Variants in NTRK3 observed in about 807,000 individuals in gnomAD.
The protein encoded by NTRK3 is neurotrophic receptor tyrosine kinase 3.
A neutral mutation model predicts 91.7 loss-of-function variants in NTRK3; 24 were observed. The ratio of observed to expected loss-of-function variants is 0.26; its 90% CI spans 0.19 to 0.37. The LOEUF (loss-of-function observed/expected upper bound fraction) is 0.37. Among genes scored for constraint, NTRK3 ranks in the 10% least tolerant of loss-of-function variants. The probability of loss-of-function intolerance (pLI) is 1.00; values close to 1 mark genes in which losing one functional copy is unlikely to be tolerated. For synonymous variants in NTRK3, 483 were observed against 404.0 expected (o/e 1.20, Z -2.34); for missense variants, 880 against 1,068.9 (o/e 0.82, Z 2.46).
At chr15:88,058,571 T>C (rs969455464) in intron 13 of NTRK3, among the ~76,000 whole-genome samples, 3 of 152,182 alleles carry the variant, frequency 2.0e-5, no homozygotes, top group Non-Finnish European at 2.9e-5. Flanking sequence ...CCCAAAATTC[T>C]GGCCCAAAGC....
At chr15:87,882,381 G>A (rs1442741106) in intron 17 of NTRK3, among the ~76,000 whole-genome samples, 1 of 152,096 alleles carries the variant, frequency 6.6e-6, no homozygotes, top group Non-Finnish European at 1.5e-5. Flanking sequence ...AATAACCCAA[G>A]CTATGCAATT....
intron 16 of NTRK3, among the ~76,000 whole-genome samples, chr15:87,930,467 C>A (rs74731980): frequency 1.1e-4 from 16 of 152,262 alleles, no homozygotes; most frequent in African/African-American, 3.6e-4. Context: ...CTTTTACTAT[C>A]TCCGGTGGGC....
intron 14 of NTRK3, among the ~76,000 whole-genome samples, chr15:87,997,867 A>G (rs987433525): frequency 1.3e-5 from 2 of 152,172 alleles, no homozygotes; most frequent in Non-Finnish European, 2.9e-5. Flanking sequence ...TAGAATGAGA[A>G]CCAGATGATG....
chr15:88,144,324 C>G (rs1056681338), intron 6 of NTRK3, among the ~76,000 whole-genome samples: 1 of 152,234 alleles, frequency 6.6e-6, no homozygotes, highest in African/African-American at 2.4e-5. Context: ...GTACGCCCCC[C>G]TGGACAGAGG....
intron 3 of NTRK3, among the ~76,000 whole-genome samples, chr15:88,244,560 C>A (rs776872841): frequency 6.6e-6 from 1 of 150,536 alleles, no homozygotes; most frequent in Non-Finnish European, 1.5e-5. Flanking sequence ...GAAGATGGCA[C>A]CTGGGAAAAA....
chr15:88,218,152 G>C (rs2049950698), intron 3 of NTRK3, among the ~76,000 whole-genome samples: 1 of 152,144 alleles, frequency 6.6e-6, no homozygotes, highest in Non-Finnish European at 1.5e-5. Context: ...AGTCTAGCCT[G>C]ACTACGTCCC....
intron 6 of NTRK3, among the ~76,000 whole-genome samples, chr15:88,144,507 T>C (rs2042698969): frequency 6.6e-6 from 1 of 152,148 alleles, no homozygotes; most frequent in Non-Finnish European, 1.5e-5. Flanking sequence ...GAGGGGCTTC[T>C]GGAAGGAGAG....
intron 14 of NTRK3, among the ~76,000 whole-genome samples, chr15:88,017,910 G>A (rs1195293842): frequency 1.3e-5 from 2 of 152,180 alleles, no homozygotes; most frequent in African/African-American, 4.8e-5. Flanking sequence ...ATTACCAGTG[G>A]CATGAGGGCT....
At chr15:88,045,803 C>T (rs1051207938) in intron 13 of NTRK3, among the ~76,000 whole-genome samples, 3 of 152,320 alleles carry the variant, frequency 2.0e-5, no homozygotes, top group South Asian at 2.1e-4. Context: ...TAGCCTTCTC[C>T]GCTCATCGCA....
At position 87,883,531 on chromosome 15, in the gene NTRK3, C is replaced by T. The variant is rs2065367200; in HGVS notation, c.2134-3103G>A. Among the ~76,000 whole-genome samples the T allele has an allele frequency of 2.0e-5, 3 of 150,992 alleles. No individual in the cohort carries two copies. In the South Asian group the frequency reaches 6.2e-4, roughly 31 times the overall value. ...CAAGAAGACAACATAAATGAAGATA[C>T]ACTTTAAAAATACAAATAATGGGTT... On this transcript the variant is annotated intron_variant, in intron 17 of 18. Coordinates refer to ENST00000394480, the Ensembl canonical transcript of NTRK3.
intron 3 of NTRK3, among the ~76,000 whole-genome samples, chr15:88,209,056 G>GA (rs2141390754): frequency 6.6e-6 from 1 of 152,274 alleles, no homozygotes. Flanking sequence ...AATTATAATG[G>GA]AAAAACTACT....
chr15:88,219,548 C>T (rs1382182940), intron 3 of NTRK3, among the ~76,000 whole-genome samples: 1 of 152,250 alleles, frequency 6.6e-6, no homozygotes, highest in Non-Finnish European at 1.5e-5. Context: ...TCACACTGAG[C>T]TAAATTCTGG....
intron 14 of NTRK3, among the ~76,000 whole-genome samples, chr15:88,002,008 T>C (rs1056687567): frequency 2.0e-5 from 3 of 152,006 alleles, no homozygotes; most frequent in Non-Finnish European, 4.4e-5. Context: ...ATATTTGATT[T>C]AAAAATAGAG....
At chr15:88,137,781 G>T (rs748076845) in intron 6 of NTRK3, among the ~76,000 whole-genome samples, 3 of 152,182 alleles carry the variant, frequency 2.0e-5, no homozygotes, top group Admixed American at 6.5e-5. Flanking sequence ...AGCCAGGTGC[G>T]GTGGCTCATG....
In NTRK3 at chr15:88,237,528, G is replaced by T. The variant is rs955483950; in HGVS notation, c.248+18378C>A. Among the ~76,000 whole-genome samples, 2 of 152,148 alleles carry T rather than the reference G, an allele frequency of 1.3e-5. No homozygotes were observed. The highest frequency in any genetic ancestry group is 4.8e-5 in the African/African-American group (2 of 41,430). On this transcript the variant is annotated intron_variant, in intron 3 of 18. Transcript: ENST00000394480. The surrounding 1 kb of genome is among the most constrained non-coding windows in gnomAD (Gnocchi z 4.0). Reference sequence around the variant, plus strand: ...AATTAGTTAATTAATTCATAAGAGAGCTAGAAATCATGCACTTTATATATG... The same window carrying T: ...AATTAGTTAATTAATTCATAAGAGATCTAGAAATCATGCACTTTATATATG...
chr15:88,136,620 GAC>G lies in NTRK3; in HGVS notation c.623-13_623-12del, dbSNP rs2041900799. On this transcript the variant is annotated splice_polypyrimidine_tract_variant and intron_variant, in intron 7 of 18. Coordinates refer to ENST00000394480, the Ensembl canonical transcript of NTRK3. ...TGATCTCAGGAAGGTCTGGGAGCCA[GAC>G]AAAGTGGGTGAAAAGACAGGCAAAC... 6.2e-7 allele frequency: 1 copy of G among 1,610,954 alleles called. No individual in the cohort carries two copies. Among genetic ancestry groups the G allele is most frequent in the Non-Finnish European group, 8.5e-7 (1 of 1,179,240 alleles).
intron 14 of NTRK3, among the ~76,000 whole-genome samples, chr15:87,949,004 T>C (rs1282495257): frequency 6.6e-6 from 1 of 152,156 alleles, no homozygotes; most frequent in Non-Finnish European, 1.5e-5. Context: ...AAAAGGCATG[T>C]GTTGCTCAAG....
intron 13 of NTRK3, among the ~76,000 whole-genome samples, chr15:88,079,905 C>A (rs1157261288): frequency 1.3e-5 from 2 of 152,178 alleles, no homozygotes; most frequent in Non-Finnish European, 2.9e-5. Context: ...ATCTTTCCAA[C>A]TCTTTTTTTT....
chr15:87,932,504 C>T (rs926294676), intron 16 of NTRK3, among the ~76,000 whole-genome samples: 1 of 152,076 alleles, frequency 6.6e-6, no homozygotes, highest in South Asian at 2.1e-4. Context: ...AAAATCGGTC[C>T]CCTTTTTGTT....
Sources: gnomAD v4.1 joint callset for allele counts (sites outside exome capture counted in the v4.1 genomes callset) on GRCh38, gnomAD v4.1.1 for gene constraint, Gnocchi (gnomAD v3.1) non-coding constraint, MANE v1.5 for transcripts, NCBI Gene and HGNC (gene_info 2026-07-23, HGNC 2026-07-21) for gene names.